Variants in RPS6KC1 observed in about 807,000 individuals in gnomAD.
The protein encoded by RPS6KC1 is ribosomal protein S6 kinase C1, also known as inactive ribosomal protein S6 kinase delta-1.
A neutral mutation model predicts 103.8 loss-of-function variants in RPS6KC1; 54 were observed. The ratio of observed to expected loss-of-function variants is 0.52; its 90% CI spans 0.42 to 0.65. RPS6KC1 has a LOEUF of 0.65. Among genes scored for constraint, RPS6KC1 ranks in the 30% least tolerant of loss-of-function variants. The pLI is 0.00. For synonymous variants in RPS6KC1, 439 were observed against 438.7 expected, an observed-to-expected ratio of 1.00 and a Z score of -0.01; for missense variants, 1,151 against 1,253.8, an observed-to-expected ratio of 0.92 and a Z score of 1.24.
At chr1:213,734,519 G>A in the RPS6KC1 span, among the ~76,000 whole-genome samples, 2 of 152,206 alleles carry the variant, frequency 1.3e-5, no homozygotes, top group African/African-American at 4.8e-5. Flanking sequence ...CACTGAGTGT[G>A]TGAGTGCATG....
chr1:213,593,803 C>A, the RPS6KC1 span, among the ~76,000 whole-genome samples: 2 of 152,094 alleles, frequency 1.3e-5, no homozygotes, highest in Non-Finnish European at 2.9e-5. Flanking sequence ...GATACAATGG[C>A]TATTGGGCTA....
At chr1:213,157,827 G>A (rs566406768) in intron 6 of RPS6KC1, among the ~76,000 whole-genome samples, 1 of 152,010 alleles carries the variant, frequency 6.6e-6, no homozygotes, top group East Asian at 1.9e-4. Context: ...GTCATTTTTT[G>A]CTTCATCTGT....
At chr1:213,635,422 C>T in the RPS6KC1 span, among the ~76,000 whole-genome samples, 69 of 152,276 alleles carry the variant, frequency 4.5e-4, no homozygotes, top group East Asian at 7.3e-3. Flanking sequence ...AGCTTATCCA[C>T]CACGATCAAG....
At chr1:213,860,946 T>TTA in the RPS6KC1 span, among the ~76,000 whole-genome samples, 1 of 151,960 alleles carries the variant, frequency 6.6e-6, no homozygotes, top group Admixed American at 6.6e-5. Context: ...GTAGCTGATA[T>TTA]TACAGGCGTG....
chr1:213,782,545 C>T, the RPS6KC1 span, among the ~76,000 whole-genome samples: 1 of 151,900 alleles, frequency 6.6e-6, no homozygotes, highest in Non-Finnish European at 1.5e-5. Context: ...AGCTCCAAAG[C>T]AAGCAGTTAA....
At chr1:213,752,918 G>A in the RPS6KC1 span, among the ~76,000 whole-genome samples, 2 of 152,172 alleles carry the variant, frequency 1.3e-5, no homozygotes, top group Admixed American at 1.3e-4. Context: ...CAAACCAGAA[G>A]AGTGGATCCT....
At chr1:213,405,967 C>T in the RPS6KC1 span, among the ~76,000 whole-genome samples, 1 of 152,206 alleles carries the variant, frequency 6.6e-6, no homozygotes, top group Non-Finnish European at 1.5e-5. Flanking sequence ...CACTCCTCAC[C>T]TGCTGGGGCT....
At chr1:213,593,386 G>C in the RPS6KC1 span, among the ~76,000 whole-genome samples, 1 of 152,196 alleles carries the variant, frequency 6.6e-6, no homozygotes. Flanking sequence ...AGACCAATTA[G>C]GAGGCTACTG....
chr1:213,859,024 A>C, the RPS6KC1 span, among the ~76,000 whole-genome samples: 6 of 152,170 alleles, frequency 3.9e-5, no homozygotes, highest in Admixed American at 3.9e-4. Flanking sequence ...GATGAGCTGG[A>C]CTTTTTTTTC....
At chr1:213,705,548 C>A in the RPS6KC1 span, among the ~76,000 whole-genome samples, 8 of 152,220 alleles carry the variant, frequency 5.3e-5, no homozygotes, top group Non-Finnish European at 1.0e-4. Flanking sequence ...AGGGCAGGTC[C>A]AGGAATGCCA....
rs752747801 is a variant in RPS6KC1 at position 213,074,843 on chromosome 1, A to ATTTTTTT, written c.142-2829_142-2823dup. ...TTTAAAAATGACTTAACTAGAATAA[A>ATTTTTTT]TTTTTTTTTTTTTTTTTTTTTTTTT... On this transcript the variant is annotated intron_variant, in intron 2 of 14. Transcript: ENST00000366960. Among the ~76,000 whole-genome samples the ATTTTTTT allele has an allele frequency of 3.6e-3, 254 of 71,322 alleles. 39 individuals carry two copies. Among genetic ancestry groups the ATTTTTTT allele is most frequent in the Non-Finnish European group, 4.6e-3 (186 of 40,430 alleles). 46.8% of individuals were successfully genotyped at this position (71,322 alleles called of 152,430 possible). A position where few individuals can be genotyped will look rare whatever the true frequency, so the allele number is the denominator to read the frequency against.
chr1:213,166,988 G>A lies in RPS6KC1; in HGVS notation c.836-870G>A, dbSNP rs370618386. On this transcript the variant is annotated intron_variant, in intron 6 of 14. Coordinates refer to ENST00000366960, the MANE Select transcript of RPS6KC1 (RefSeq NM_012424.6). ...TTCACATTGGCCTTTTTTTGCATTGGCAGAAACCAGCTGTTGGCAGTTCCT... is the reference window on the plus strand; with the variant it reads ...TTCACATTGGCCTTTTTTTGCATTGACAGAAACCAGCTGTTGGCAGTTCCT... Among the ~76,000 whole-genome samples the A allele has an allele frequency of 3.3e-5, 5 of 152,134 alleles. No individual in the cohort carries two copies. In the East Asian group the frequency reaches 5.8e-4, roughly 18 times the overall value.
the RPS6KC1 span, among the ~76,000 whole-genome samples, chr1:213,660,902 G>A: frequency 2.6e-5 from 4 of 152,194 alleles, no homozygotes; most frequent in African/African-American, 7.2e-5. Flanking sequence ...TTCGCCAGTC[G>A]TTGAGTCCTG....
chr1:213,116,546 A>G (rs1408497323), intron 4 of RPS6KC1, among the ~76,000 whole-genome samples: 2 of 139,196 alleles, frequency 1.4e-5, no homozygotes, highest in Non-Finnish European at 3.1e-5. Context: ...CATTTAGTCC[A>G]TTTACATTTA....
chr1:213,392,224 T>C, the RPS6KC1 span, among the ~76,000 whole-genome samples: 116,889 of 151,898 alleles, frequency 0.77, 46,575 homozygotes, highest in East Asian at 0.99. Flanking sequence ...ATGGTCTGCT[T>C]CTGGTGCTGT....
At chr1:213,409,571 G>A in the RPS6KC1 span, among the ~76,000 whole-genome samples, 1 of 152,308 alleles carries the variant, frequency 6.6e-6, no homozygotes, top group South Asian at 2.1e-4. Flanking sequence ...GAAAGAAAAG[G>A]AACACCAAGT....
At chr1:213,085,463 AT>A (rs200421224) in intron 3 of RPS6KC1, among the ~76,000 whole-genome samples, 3 of 151,284 alleles carry the variant, frequency 2.0e-5, no homozygotes, top group African/African-American at 4.9e-5. Context: ...ATGTATATTC[AT>A]TTTTTTTTCT....
At chr1:213,681,260 A>T in the RPS6KC1 span, among the ~76,000 whole-genome samples, 352 of 152,298 alleles carry the variant, frequency 2.3e-3, 3 homozygotes, top group East Asian at 0.017. Flanking sequence ...CGCTGGTCAC[A>T]GTGGGGCTGG....
chr1:213,683,989 T>C, the RPS6KC1 span, among the ~76,000 whole-genome samples: 1 of 152,180 alleles, frequency 6.6e-6, no homozygotes, highest in Non-Finnish European at 1.5e-5. Flanking sequence ...AAGACCCTGA[T>C]TTACTGAGGC....
Sources: gnomAD v4.1 joint callset for allele counts (sites outside exome capture counted in the v4.1 genomes callset) on GRCh38, gnomAD v4.1.1 for gene constraint, MANE v1.5 for transcripts, NCBI Gene and HGNC (gene_info 2026-07-23, HGNC 2026-07-21) for gene names.